The following ATXN10 variants were observed in gnomAD, a reference collection of about 807,000 sequenced individuals.
The protein encoded by ATXN10 is ataxin 10.
Under a neutral mutation model 52.9 loss-of-function variants are expected in ATXN10, and 28 were observed. That is an observed-to-expected ratio of 0.53 (90% CI 0.39 to 0.73). The LOEUF is 0.73. ATXN10 is among the 30% of genes least tolerant of loss of function. The probability of loss-of-function intolerance (pLI) is 0.00; values close to 1 mark genes in which losing one functional copy is unlikely to be tolerated. For synonymous variants in ATXN10, 226 were observed against 221.5 expected (o/e 1.02, Z -0.18); for missense variants, 565 against 577.0 (o/e 0.98, Z 0.21).
chr22:45,740,561 A>G, intron 9 of ATXN10, 23 bp downstream of exon 9: 2 of 1,606,572 alleles, frequency 1.2e-6, no homozygotes, highest in Non-Finnish European at 1.7e-6. Context: ...CTTAGTATGT[A>G]TTATACATGT....
At position 45,805,900 on chromosome 22, in the gene ATXN10, T is replaced by C. The variant is rs1248221493; in HGVS notation, c.1174-1059T>C. Among the ~76,000 whole-genome samples, 2 of 152,218 alleles carry C rather than the reference T, an allele frequency of 1.3e-5. No individual in the cohort carries two copies. Among genetic ancestry groups the C allele is most frequent in the Non-Finnish European group, 2.9e-5 (2 of 68,038 alleles). ...GAACTGGGCCAGGCACAGTCACTCA[T>C]GCCGATAATCCCAGTGCTTTGGGAG... On this transcript the variant is annotated intron_variant, in intron 9 of 11. Coordinates refer to ENST00000252934, the MANE Select transcript of ATXN10 (RefSeq NM_013236.4). This position sits in a 1 kb window ranked among gnomAD's most constrained non-coding sequence, Gnocchi z 4.4.
rs1268542676 is a variant in ATXN10, at chr22:45,733,916, A to G, written c.894+4326A>G. 6.6e-6 allele frequency among the ~76,000 whole-genome samples: 1 copy of G among 151,290 alleles called. No homozygotes were observed. The highest frequency in any genetic ancestry group is 2.1e-4 in the South Asian group (1 of 4,810). On this transcript the variant is annotated intron_variant, in intron 7 of 11. Coordinates refer to ENST00000252934, the MANE Select transcript of ATXN10 (RefSeq NM_013236.4). This position sits in a 1 kb window ranked among gnomAD's most constrained non-coding sequence, Gnocchi z 4.4. Reference sequence around the variant, plus strand: ...GTTTTCATTTTTTGCACTATTCTTCAACTTGCTGTTTTTACTTATGATGTA... The same window carrying G: ...GTTTTCATTTTTTGCACTATTCTTCGACTTGCTGTTTTTACTTATGATGTA...
intron 9 of ATXN10, among the ~76,000 whole-genome samples, chr22:45,751,740 G>GAAAAAAAAAAAAAAAAAA (rs200364242): frequency 2.0e-4 from 9 of 45,448 alleles, no homozygotes; most frequent in Non-Finnish European, 1.9e-4. Context: ...CCTTTTTCTG[G>GAAAAAAAAAAAAAAAAAA]AAAAAAAAAA....
rs751134114 is a variant in ATXN10, at chr22:45,837,891, G to A, written c.1238-5100G>A. On this transcript the variant is annotated intron_variant, in intron 10 of 11. Transcript: ENST00000252934. This position sits in a 1 kb window ranked among gnomAD's most constrained non-coding sequence, Gnocchi z 5.8. ...TGTTTTTAGTTTGCTGTCATAAAAA[G>A]CACAGGCCATCATTTGCTGACCCCT... Among the ~76,000 whole-genome samples, 1 of 152,190 alleles carries A rather than the reference G, an allele frequency of 6.6e-6. No individual in the cohort carries two copies. Among genetic ancestry groups the A allele is most frequent in the East Asian group, 1.9e-4 (1 of 5,200 alleles).
chr22:45,822,671 C>T (rs760383301), intron 10 of ATXN10, among the ~76,000 whole-genome samples: 26 of 151,842 alleles, frequency 1.7e-4, no homozygotes, highest in Non-Finnish European at 2.9e-4. Context: ...GCTGGGATTA[C>T]AGGTGCCCGC....
In ATXN10 at chr22:45,795,415, A is replaced by ATTCTATTCTATTCTG. The variant is rs747787715; in HGVS notation, c.1174-11535_1174-11534insATTCTGTTCTATTCT. ...ATTCTATTCTATTCTATTCTATTCT[A>ATTCTATTCTATTCTG]TTCTATTCTTTTTGAGATGAAGTCT... is the stretch of plus-strand genomic sequence containing the variant. On this transcript the variant is annotated intron_variant, in intron 9 of 11. Coordinates refer to ENST00000252934, the MANE Select transcript of ATXN10 (RefSeq NM_013236.4). This position sits in a 1 kb window ranked among gnomAD's most constrained non-coding sequence, Gnocchi z 4.6. 7.5e-6 allele frequency among the ~76,000 whole-genome samples: 1 copy of ATTCTATTCTATTCTG among 134,076 alleles called. No individual in the cohort carries two copies. Among genetic ancestry groups the ATTCTATTCTATTCTG allele is most frequent in the African/African-American group, 2.8e-5 (1 of 35,282 alleles). 88.0% of individuals were successfully genotyped at this position (134,076 alleles called of 152,430 possible).
rs1926584750 is a variant in ATXN10 at position 45,766,456 on chromosome 22, A to G, written c.1173+25918A>G. 6.6e-6 allele frequency among the ~76,000 whole-genome samples: 1 copy of G among 152,212 alleles called. No homozygotes were observed. The highest frequency in any genetic ancestry group is 1.5e-5 in the Non-Finnish European group (1 of 68,034). ...CGAGTCTGTGGAAAAATTGCCTTCCATGAAATCAGTCCCTGGTGCCAAAAA... is the reference window on the plus strand; with the variant it reads ...CGAGTCTGTGGAAAAATTGCCTTCCGTGAAATCAGTCCCTGGTGCCAAAAA... On this transcript the variant is annotated intron_variant, in intron 9 of 11. Coordinates refer to ENST00000252934, the MANE Select transcript of ATXN10 (RefSeq NM_013236.4). The surrounding 1 kb of genome is among the most constrained non-coding windows in gnomAD (Gnocchi z 4.6).
At chr22:45,698,622 T>C (rs1011584095) in intron 3 of ATXN10, among the ~76,000 whole-genome samples, 4 of 152,250 alleles carry the variant, frequency 2.6e-5, no homozygotes, top group Non-Finnish European at 5.9e-5. Flanking sequence ...TCAGGACTTA[T>C]TTAATTTTTC....
intron 9 of ATXN10, among the ~76,000 whole-genome samples, chr22:45,782,210 C>T (rs540424826): frequency 2.6e-5 from 4 of 152,170 alleles, no homozygotes; most frequent in African/African-American, 7.2e-5. Flanking sequence ...TGACTCGGGC[C>T]TATTGGCCTT....
intron 6 of ATXN10, among the ~76,000 whole-genome samples, chr22:45,720,601 A>C (rs78688489): frequency 0.023 from 3,461 of 152,296 alleles, 127 homozygotes; most frequent in African/African-American, 0.079. Context: ...TGTGTATCAG[A>C]AACTCTGTAC....
chr22:45,725,671 G>C (rs1308605825), intron 6 of ATXN10, among the ~76,000 whole-genome samples: 1 of 152,016 alleles, frequency 6.6e-6, no homozygotes. Context: ...TCTCTTCCCT[G>C]ATTGTTCTGG....
At position 45,740,465 on chromosome 22, in the gene ATXN10, C is replaced by A; in HGVS notation, c.1100C>A (p.Ala367Asp). 17 of 1,613,752 alleles carry A rather than the reference C, an allele frequency of 1.1e-5. No homozygotes were observed. Among genetic ancestry groups the A allele is most frequent in the Non-Finnish European group, 1.4e-5 (17 of 1,179,876 alleles). ...GCAGAAGGTGACATCTCCAATGTGG[C>A]CAATGGGTTTAAGTCTCATCTCATT... ...VRAEGDISNV[A>D]NGFKSHLIRL... Residue 367 changes from alanine to aspartate, a missense_variant, in exon 9 of 12, where the codon GCC (alanine) becomes GAC (aspartate). Transcript: ENST00000252934.
At chr22:45,815,411 C>T (rs1048513800) in intron 10 of ATXN10, among the ~76,000 whole-genome samples, 4 of 152,120 alleles carry the variant, frequency 2.6e-5, no homozygotes, top group South Asian at 2.1e-4. Flanking sequence ...TGGAAGTACA[C>T]GTGAAAGAAC....
chr22:45,738,302 C>T (rs940276367), intron 7 of ATXN10, among the ~76,000 whole-genome samples: 5 of 152,066 alleles, frequency 3.3e-5, no homozygotes, highest in African/African-American at 4.8e-5. Context: ...TTTCTGTGGA[C>T]AAGAAATTAA....
rs1302245354 is a variant in ATXN10 at position 45,842,212 on chromosome 22, A to G, written c.1238-779A>G. ...TGTACAGTCCTTTATAGAACTACAT[A>G]TAATAGCTTAATGTTTGCATGAGGT... On this transcript the variant is annotated intron_variant, in intron 10 of 11. Coordinates refer to ENST00000252934, the MANE Select transcript of ATXN10 (RefSeq NM_013236.4). The surrounding 1 kb of genome is among the most constrained non-coding windows in gnomAD (Gnocchi z 4.8). 6.6e-6 allele frequency among the ~76,000 whole-genome samples: 1 copy of G among 152,162 alleles called. No individual in the cohort carries two copies. The highest frequency in any genetic ancestry group is 2.4e-5 in the African/African-American group (1 of 41,426).
intron 9 of ATXN10, among the ~76,000 whole-genome samples, chr22:45,768,981 T>A (rs1488356953): frequency 6.6e-6 from 1 of 152,140 alleles, no homozygotes; most frequent in East Asian, 1.9e-4. Flanking sequence ...TGAAATGAGT[T>A]GCTGAGATTT....
At position 45,700,476 on chromosome 22, in the gene ATXN10, T is replaced by C. The variant is rs1165036913; in HGVS notation, c.488+98T>C. 6 of 933,860 alleles carry C rather than the reference T, an allele frequency of 6.4e-6. No individual in the cohort carries two copies. The Admixed American group carries it at 9.8e-5, about 15-fold the overall frequency. The allele number at this position is 933,860 out of a possible 1,614,324, so 57.8% of individuals were successfully genotyped here. Reference sequence around the variant, plus strand: ...TCGAAAACAGGAAAAAGTAACCCACTGTAATAGAGTTCAGGATAGTAGTTG... The same window carrying C: ...TCGAAAACAGGAAAAAGTAACCCACCGTAATAGAGTTCAGGATAGTAGTTG... On this transcript the variant is annotated intron_variant, in intron 4 of 11. Coordinates refer to ENST00000252934, the MANE Select transcript of ATXN10 (RefSeq NM_013236.4).
At chr22:45,719,555 A>ATT (rs35705178) in intron 6 of ATXN10, among the ~76,000 whole-genome samples, 2,429 of 147,154 alleles carry the variant, frequency 0.017, 53 homozygotes, top group African/African-American at 0.058. Context: ...AAAAATTAGT[A>ATT]TTTTTTTTTT....
intron 7 of ATXN10, among the ~76,000 whole-genome samples, chr22:45,731,372 A>T (rs1037411227): frequency 1.3e-5 from 2 of 152,228 alleles, no homozygotes; most frequent in Admixed American, 6.5e-5. Flanking sequence ...ACACGAGGGA[A>T]CTTTCTGGAT....
Sources: gnomAD v4.1 joint callset for allele counts (sites outside exome capture counted in the v4.1 genomes callset) on GRCh38, gnomAD v4.1.1 for gene constraint, Gnocchi (gnomAD v3.1) non-coding constraint, MANE v1.5 for transcripts, NCBI Gene and HGNC (gene_info 2026-07-23, HGNC 2026-07-21) for gene names.